CTNNA3: variants seen among roughly 807,000 people sequenced by gnomAD.
CTNNA3 encodes the protein catenin alpha-3.
In CTNNA3, 76 loss-of-function variants were observed where a neutral mutation model predicts 95.7. That is an observed-to-expected ratio of 0.79 (90% confidence interval 0.66 to 0.96). CTNNA3 has a LOEUF of 0.96. Among genes scored for constraint, CTNNA3 ranks in the 40% least tolerant of loss-of-function variants. The pLI is 0.00. For synonymous variants in CTNNA3, 431 were observed against 374.4 expected, an observed-to-expected ratio of 1.15 and a Z score of -1.74; for missense variants, 1,191 against 1,089.8, an observed-to-expected ratio of 1.09 and a Z score of -1.31.
At chr10:66,687,710 T>TAC (rs1847348680) in intron 9 of CTNNA3, among the ~76,000 whole-genome samples, 2 of 96,324 alleles carry the variant, frequency 2.1e-5, no homozygotes, top group African/African-American at 1.1e-4. Context: ...CATATATATA[T>TAC]ATATATATAC....
intron 7 of CTNNA3, among the ~76,000 whole-genome samples, chr10:67,105,359 G>T (rs897275608): frequency 6.6e-6 from 1 of 152,134 alleles, no homozygotes; most frequent in Non-Finnish European, 1.5e-5. Context: ...CAGAGAAAAA[G>T]ATTTAAACTA....
At chr10:66,492,488 A>G (rs935374129) in intron 11 of CTNNA3, among the ~76,000 whole-genome samples, 8 of 148,596 alleles carry the variant, frequency 5.4e-5, no homozygotes, top group South Asian at 2.1e-4. Context: ...GGGTCTTGCT[A>G]TGTTGCCCAG....
chr10:67,735,953 TATTCAGCCATAAAAAGAA>T (rs1841300184), intron 1 of CTNNA3, among the ~76,000 whole-genome samples: 1 of 152,202 alleles, frequency 6.6e-6, no homozygotes, highest in East Asian at 1.9e-4. Context: ...ATTGAATTAT[TATTCAGCCATAAAAAGAA>T]ATTAGGTGAT....
chr10:66,468,529 G>A (rs1430705012), intron 11 of CTNNA3, among the ~76,000 whole-genome samples: 1 of 151,908 alleles, frequency 6.6e-6, no homozygotes, highest in Non-Finnish European at 1.5e-5. Flanking sequence ...GCATAAAGAA[G>A]TTCTGGAGAT....
intron 17 of CTNNA3, among the ~76,000 whole-genome samples, chr10:65,965,597 G>T (rs989342609): frequency 6.6e-6 from 1 of 151,746 alleles, no homozygotes; most frequent in Non-Finnish European, 1.5e-5. Context: ...TAGAGACAGG[G>T]TTTCACCATG....
At chr10:67,342,099 CTTTTTT>C in intron 5 of CTNNA3, among the ~76,000 whole-genome samples, 2 of 83,684 alleles carry the variant, frequency 2.4e-5, no homozygotes, top group African/African-American at 9.0e-5. Context: ...TATTTTTCTT[CTTTTTT>C]TTTTTTTTTT....
At chr10:66,835,318 C>T (rs1442168332) in intron 7 of CTNNA3, among the ~76,000 whole-genome samples, 1 of 152,120 alleles carries the variant, frequency 6.6e-6, no homozygotes, top group African/African-American at 2.4e-5. Flanking sequence ...TCAAGGGTGG[C>T]GCCTGGACCA....
chr10:67,606,561 T>G (rs984208171), intron 3 of CTNNA3, among the ~76,000 whole-genome samples: 35 of 152,236 alleles, frequency 2.3e-4, no homozygotes, highest in African/African-American at 8.4e-4. Context: ...TCTCACTATA[T>G]TCTAAGACCA....
intron 5 of CTNNA3, among the ~76,000 whole-genome samples, chr10:67,459,823 A>T (rs74144452): frequency 0.052 from 7,863 of 152,190 alleles, 673 homozygotes; most frequent in African/African-American, 0.17. Flanking sequence ...TTATACTTCC[A>T]TCTCTGAACC....
intron 7 of CTNNA3, among the ~76,000 whole-genome samples, chr10:66,919,090 G>A (rs1009239573): frequency 2.7e-5 from 4 of 147,174 alleles, no homozygotes; most frequent in African/African-American, 1.0e-4. Flanking sequence ...AGCCGGGATC[G>A]TGCCACTGAA....
In CTNNA3 at chr10:67,180,407, A is replaced by G; in HGVS notation, c.957T>C (p.Cys319=). 2 of 1,613,902 alleles carry G rather than the reference A, an allele frequency of 1.2e-6. No individual in the cohort carries two copies. The highest frequency in any genetic ancestry group is 1.7e-6 in the Non-Finnish European group (2 of 1,179,862). Residue 319 remains cysteine, a synonymous_variant, in exon 7 of 18, where the codon TGT becomes TGC. Coordinates refer to ENST00000433211, the MANE Select transcript of CTNNA3 (RefSeq NM_013266.4). ...SGAALLADSS[C]TRDLHRERII... The stretch of plus-strand genomic sequence containing the variant: ...TCCGCTCTCGGTGTAAGTCCCTCGT[A>G]CATGAAGAATCCGCCAGCAGAGCAG...
intron 7 of CTNNA3, among the ~76,000 whole-genome samples, chr10:66,880,673 C>T (rs1455236866): frequency 1.3e-5 from 2 of 152,166 alleles, no homozygotes; most frequent in East Asian, 3.9e-4. Flanking sequence ...GCAATGAAAG[C>T]AATGACACTT....
chr10:67,263,359 T>G (rs1904610), intron 5 of CTNNA3, among the ~76,000 whole-genome samples: 47,700 of 152,000 alleles, frequency 0.31, 12,961 homozygotes, highest in African/African-American at 0.73. Flanking sequence ...TGTATGTCTT[T>G]GCCCCGTTCT....
chr10:67,316,374 C>T (rs943626709), intron 5 of CTNNA3, among the ~76,000 whole-genome samples: 1 of 152,116 alleles, frequency 6.6e-6, no homozygotes, highest in Non-Finnish European at 1.5e-5. Context: ...ATAATCACAT[C>T]ATTTTATAAC....
intron 9 of CTNNA3, among the ~76,000 whole-genome samples, chr10:66,715,362 T>C (rs1308890061): frequency 2.0e-5 from 3 of 152,106 alleles, no homozygotes; most frequent in Non-Finnish European, 4.4e-5. Context: ...CTTGGAATAG[T>C]TATGGCTCCT....
At position 66,631,765 on chromosome 10, in the gene CTNNA3, A is replaced by G. The variant is rs1419052824; in HGVS notation, c.1282-9981T>C. On this transcript the variant is annotated intron_variant, in intron 9 of 17. Coordinates refer to ENST00000433211, the MANE Select transcript of CTNNA3 (RefSeq NM_013266.4). The stretch of plus-strand genomic sequence containing the variant: ...TCTAGTAAATCTAAATGAATAAAAA[A>G]AAGCAATAGATGCAAATATTGTTAA... 3.3e-5 allele frequency among the ~76,000 whole-genome samples: 5 copies of G among 152,162 alleles called. No individual in the cohort carries two copies. In the South Asian group the frequency reaches 8.3e-4, roughly 25 times the overall value.
chr10:67,476,413 G>A (rs1274104200), intron 5 of CTNNA3, among the ~76,000 whole-genome samples: 2 of 152,050 alleles, frequency 1.3e-5, no homozygotes, highest in Non-Finnish European at 2.9e-5. Flanking sequence ...AGAGAGAGTG[G>A]TGCAGTGGGT....
intron 9 of CTNNA3, among the ~76,000 whole-genome samples, chr10:66,672,166 T>C (rs1232434364): frequency 6.6e-6 from 1 of 152,098 alleles, no homozygotes; most frequent in Non-Finnish European, 1.5e-5. Context: ...TCCTACTGGC[T>C]AGCTATGTTT....
chr10:66,387,170 T>C (rs1413339969), intron 11 of CTNNA3, among the ~76,000 whole-genome samples: 1 of 151,930 alleles, frequency 6.6e-6, no homozygotes, highest in Non-Finnish European at 1.5e-5. Context: ...ACCTACAGAA[T>C]GGGAGAAAAT....
Sources: gnomAD v4.1 joint callset for allele counts (sites outside exome capture counted in the v4.1 genomes callset) on GRCh38, gnomAD v4.1.1 for gene constraint, MANE v1.5 for transcripts, NCBI Gene and HGNC (gene_info 2026-07-23, HGNC 2026-07-21) for gene names.